ALG6: variants seen among roughly 807,000 people sequenced by gnomAD.
The protein encoded by ALG6 is dolichyl pyrophosphate Man9GlcNAc2 alpha-1,3-glucosyltransferase.
In ALG6, 46 loss-of-function variants were observed where a neutral mutation model predicts 66.6. The observed-to-expected ratio is 0.69, with a 90% CI of 0.55 to 0.88. The LOEUF is 0.88. Ranked by LOEUF, ALG6 falls within the 40% of genes least tolerant of loss-of-function variation. The probability of loss-of-function intolerance (pLI) is 0.00; values close to 1 mark genes in which losing one functional copy is unlikely to be tolerated. For synonymous variants in ALG6, 185 were observed against 203.7 expected (o/e 0.91, Z 0.78); for missense variants, 505 against 586.8 (o/e 0.86, Z 1.44).
chr1:63,422,274 T>TATATTTATATATATATTTATATAG (rs1553156457), intron 12 of ALG6, among the ~76,000 whole-genome samples: 1 of 39,490 alleles, frequency 2.5e-5, no homozygotes, highest in Non-Finnish European at 4.0e-5. Flanking sequence ...TATAAATATA[T>TATATTTATATATATATTTATATAG]ATATAAATAT....
intron 2 of ALG6, among the ~76,000 whole-genome samples, chr1:63,377,770 A>G (rs533574457): frequency 1.1e-4 from 17 of 152,228 alleles, no homozygotes; most frequent in African/African-American, 3.9e-4. Context: ...ATCTCACTCT[A>G]TTGCCCAAGC....
intron 7 of ALG6, 81 bp from the exon 8 acceptor site, chr1:63,411,065 C>G: frequency 7.2e-7 from 1 of 1,396,100 alleles, no homozygotes; most frequent in Non-Finnish European, 1.0e-6. Flanking sequence ...TTTCCTAGAG[C>G]ATATCTCTTG....
intron 3 of ALG6, among the ~76,000 whole-genome samples, chr1:63,397,797 G>A (rs1326333274): frequency 6.6e-6 from 1 of 152,190 alleles, no homozygotes; most frequent in Non-Finnish European, 1.5e-5. Context: ...TTTATTAGCT[G>A]TGTGACCTTT....
At position 63,422,397 on chromosome 1, in the gene ALG6, A is replaced by G. The variant is rs555997151; in HGVS notation, c.1058+2957A>G. On this transcript the variant is annotated intron_variant, in intron 12 of 14. Coordinates refer to ENST00000263440, the MANE Select transcript of ALG6 (RefSeq NM_013339.4). ...TATAAGTATAAATATATATAAATAT[A>G]TATCTATATAAATATAAATATATAT... Among the ~76,000 whole-genome samples, 127 of 82,708 alleles carry G rather than the reference A, an allele frequency of 1.5e-3. 3 individuals are homozygous for G. The highest frequency in any genetic ancestry group is 7.4e-3 in the African/African-American group (125 of 17,006). 54.3% of individuals were successfully genotyped at this position (82,708 alleles called of 152,430 possible). A position where few individuals can be genotyped will look rare whatever the true frequency, so the allele number is the denominator to read the frequency against.
chr1:63,387,496 C>T (rs187125607), intron 2 of ALG6, among the ~76,000 whole-genome samples: 47 of 142,898 alleles, frequency 3.3e-4, no homozygotes, highest in Middle Eastern at 4.0e-3. Context: ...TGAATTGACC[C>T]GTTTGTCATT....
intron 7 of ALG6, among the ~76,000 whole-genome samples, chr1:63,409,402 A>G (rs1000696684): frequency 4.6e-5 from 7 of 152,132 alleles, no homozygotes; most frequent in East Asian, 1.9e-4. Flanking sequence ...AAATTCTGTT[A>G]TATTATTTCT....
At chr1:63,417,127 A>G (rs1035142835) in intron 11 of ALG6, among the ~76,000 whole-genome samples, 1 of 152,198 alleles carries the variant, frequency 6.6e-6, no homozygotes, top group African/African-American at 2.4e-5. Context: ...ATACCAAGTC[A>G]TCTGTTGTTA....
At chr1:63,391,358 G>C (rs566448882) in intron 2 of ALG6, among the ~76,000 whole-genome samples, 1 of 152,302 alleles carries the variant, frequency 6.6e-6, no homozygotes, top group East Asian at 1.9e-4. Context: ...ATGAAGAGGG[G>C]AGAGTTGTAG....
chr1:63,396,487 T>A, intron 2 of ALG6, 26 bp from the exon 3 acceptor site: 1 of 1,590,450 alleles, frequency 6.3e-7, no homozygotes, highest in Middle Eastern at 1.7e-4. Flanking sequence ...ACATTGTTGT[T>A]TTGCTCTTTT....
intron 1 of ALG6, among the ~76,000 whole-genome samples, chr1:63,369,367 G>T (rs1029811798): frequency 2.6e-5 from 4 of 152,184 alleles, no homozygotes; most frequent in South Asian, 4.2e-4. Flanking sequence ...AGTGGCTCAC[G>T]CCTGTAATCC....
At chr1:63,414,706 A>C (rs1644533663) in intron 10 of ALG6, among the ~76,000 whole-genome samples, 2 of 152,226 alleles carry the variant, frequency 1.3e-5, no homozygotes, top group Admixed American at 6.5e-5. Flanking sequence ...TATTATGTTG[A>C]AGAGTCATGA....
intron 2 of ALG6, among the ~76,000 whole-genome samples, chr1:63,387,516 CCTT>C (rs1648534890): frequency 1.7e-5 from 2 of 118,386 alleles, no homozygotes; most frequent in African/African-American, 6.4e-5. Context: ...TATATAATGA[CCTT>C]CTTTGTCTTT....
intron 6 of ALG6, 151 bp from the exon 7 acceptor site, chr1:63,406,911 T>C (rs1644492061): frequency 3.2e-6 from 2 of 631,326 alleles, no homozygotes; most frequent in Non-Finnish European, 5.7e-6. Flanking sequence ...TAAAGAGTTG[T>C]ATTATAAAAA....
intron 12 of ALG6, among the ~76,000 whole-genome samples, chr1:63,422,940 AG>A (rs1348706099): frequency 1.3e-5 from 2 of 151,998 alleles, no homozygotes. Flanking sequence ...GGGCAACGAG[AG>A]CAAAACTCCG....
At chr1:63,392,968 A>G (rs938558510) in intron 2 of ALG6, among the ~76,000 whole-genome samples, 3 of 152,364 alleles carry the variant, frequency 2.0e-5, no homozygotes, top group Admixed American at 6.5e-5. Context: ...CCATTCTTCT[A>G]TTTGTTAGAG....
intron 12 of ALG6, among the ~76,000 whole-genome samples, chr1:63,420,330 A>G: frequency 6.6e-6 from 1 of 152,130 alleles, no homozygotes; most frequent in East Asian, 1.9e-4. Context: ...CCCTACACAA[A>G]TCACTGGTAC....
intron 12 of ALG6, among the ~76,000 whole-genome samples, chr1:63,426,129 A>G (rs1570087605): frequency 6.6e-6 from 1 of 152,266 alleles, no homozygotes; most frequent in East Asian, 1.9e-4. Context: ...AGGAGTTGAA[A>G]TCTTTGGGTA....
intron 1 of ALG6, among the ~76,000 whole-genome samples, chr1:63,369,410 C>T (rs1015044411): frequency 2.6e-5 from 4 of 152,126 alleles, no homozygotes; most frequent in African/African-American, 9.7e-5. Context: ...GGGTGGATCA[C>T]CTGAGGTCAG....
chr1:63,435,716 A>G (rs1363479462), intron 14 of ALG6, among the ~76,000 whole-genome samples: 1 of 152,186 alleles, frequency 6.6e-6, no homozygotes, highest in African/African-American at 2.4e-5. Context: ...GCCACTAGAC[A>G]TATATATAAA....
Sources: gnomAD v4.1 joint callset for allele counts (sites outside exome capture counted in the v4.1 genomes callset) on GRCh38, gnomAD v4.1.1 for gene constraint, MANE v1.5 for transcripts, NCBI Gene and HGNC (gene_info 2026-07-23, HGNC 2026-07-21) for gene names.